The following ATXN7L1 variants were observed in gnomAD, a reference collection of about 807,000 sequenced individuals.
ATXN7L1 encodes ataxin-7-like protein 1.
ATXN7L1 carries 15 observed loss-of-function variants against 70.8 expected under a neutral mutation model. The ratio of observed to expected loss-of-function variants is 0.21; its 90% CI spans 0.14 to 0.33. ATXN7L1 has a LOEUF of 0.33. Among genes scored for constraint, ATXN7L1 ranks in the 10% least tolerant of loss-of-function variants. ATXN7L1 has a pLI of 1.00. For synonymous variants in ATXN7L1, 440 were observed against 445.1 expected, an observed-to-expected ratio of 0.99 and a Z score of 0.14; for missense variants, 975 against 1,097.1, an observed-to-expected ratio of 0.89 and a Z score of 1.57.
At chr7:105,718,940 AG>A (rs1356308251) in intron 3 of ATXN7L1, among the ~76,000 whole-genome samples, 1 of 152,244 alleles carries the variant, frequency 6.6e-6, no homozygotes. Context: ...CTCTAGGCAC[AG>A]GAAGACATCA....
intron 2 of ATXN7L1, among the ~76,000 whole-genome samples, chr7:105,861,323 A>G (rs191355244): frequency 1.5e-4 from 23 of 152,164 alleles, no homozygotes; most frequent in African/African-American, 4.8e-4. Context: ...TAATTTTTGA[A>G]GTGGTGTGCA....
chr7:105,624,168 G>A lies in ATXN7L1; in HGVS notation c.1302C>T (p.Ser434=). The A allele has an allele frequency of 6.5e-7, 1 of 1,532,904 alleles. No homozygotes were observed. 95.0% of individuals were successfully genotyped at this position (1,532,904 alleles called of 1,614,324 possible). A position where few individuals can be genotyped will look rare whatever the true frequency, so the allele number is the denominator to read the frequency against. ...TCTCCCCTTCATCACTGGACAGTCG[G>A]CTGGCGAGGTCACCTCCAACCGGTG... ...PLPPVGGDLA[S]RLSSDEGEMD... The change falls in exon 8 of 12, where the codon AGC becomes AGT. Residue 434 remains serine, a synonymous_variant. Transcript: ENST00000419735.
chr7:105,707,693 G>A (rs1463899555), intron 3 of ATXN7L1, among the ~76,000 whole-genome samples: 1 of 152,218 alleles, frequency 6.6e-6, no homozygotes, highest in African/African-American at 2.4e-5. Flanking sequence ...ATGACCTCCT[G>A]CAGAGAACTT....
At chr7:105,857,112 A>G (rs1028064316) in intron 2 of ATXN7L1, among the ~76,000 whole-genome samples, 4 of 152,094 alleles carry the variant, frequency 2.6e-5, no homozygotes, top group African/African-American at 9.7e-5. Flanking sequence ...TTCCCTGTAC[A>G]ATGCCCTGAA....
At chr7:105,758,519 A>C (rs1291736264) in intron 3 of ATXN7L1, among the ~76,000 whole-genome samples, 1 of 152,218 alleles carries the variant, frequency 6.6e-6, no homozygotes, top group Admixed American at 6.5e-5. Context: ...GAAGGACTCA[A>C]GAGCTTTGGG....
At chr7:105,637,947 G>A (rs1179937163) in intron 7 of ATXN7L1, among the ~76,000 whole-genome samples, 2 of 152,140 alleles carry the variant, frequency 1.3e-5, no homozygotes, top group African/African-American at 2.4e-5. Flanking sequence ...TCCCTACTCC[G>A]CTCCAGGAAT....
chr7:105,714,329 C>T (rs1393254231), intron 3 of ATXN7L1, among the ~76,000 whole-genome samples: 1 of 152,220 alleles, frequency 6.6e-6, no homozygotes, highest in Non-Finnish European at 1.5e-5. Flanking sequence ...GCAGGAAATG[C>T]CCCACCCTCC....
chr7:105,620,388 A>G, intron 8 of ATXN7L1, 67 bp from the exon 9 acceptor site: 1 of 1,428,508 alleles, frequency 7.0e-7, no homozygotes, highest in South Asian at 1.4e-5. Flanking sequence ...ATACAGAGAA[A>G]AATAACATTT....
chr7:105,641,214 CTTTTTTTTTTTT>C (rs561100060), intron 5 of ATXN7L1, among the ~76,000 whole-genome samples: 3 of 21,788 alleles, frequency 1.4e-4, no homozygotes, highest in Non-Finnish European at 1.7e-4. Flanking sequence ...CTCTCTCTCT[CTTTTTTTTTTTT>C]TTTTTTTTTT....
intron 4 of ATXN7L1, among the ~76,000 whole-genome samples, chr7:105,650,212 C>A (rs1023887250): frequency 1.3e-5 from 2 of 152,208 alleles, no homozygotes; most frequent in East Asian, 3.8e-4. Context: ...AACAGAGACA[C>A]AAAGTCCTAC....
intron 3 of ATXN7L1, chr7:105,679,284 G>T: frequency 2.8e-6 from 1 of 356,558 alleles, no homozygotes; most frequent in Non-Finnish European, 3.9e-6. Context: ...GGGTATTCCT[G>T]AACCACACAC....
At chr7:105,678,953 G>A (rs846928) in intron 3 of ATXN7L1, 104,337 of 552,234 alleles carry the variant, frequency 0.19, 10,055 homozygotes, top group East Asian at 0.31. Flanking sequence ...ATGCCTCGTG[G>A]GCTGCCAGCA....
At chr7:105,789,730 G>A (rs953521901) in intron 2 of ATXN7L1, among the ~76,000 whole-genome samples, 3 of 152,148 alleles carry the variant, frequency 2.0e-5, no homozygotes, top group African/African-American at 7.2e-5. Flanking sequence ...CCCAGGTGAG[G>A]ATTTTGACTC....
In ATXN7L1 at chr7:105,613,652, C is replaced by T. The variant is rs548458689; in HGVS notation, c.2472+210G>A. 116 of 1,427,866 alleles carry T rather than the reference C, an allele frequency of 8.1e-5. 1 individual carries two copies. Among genetic ancestry groups the T allele is most frequent in the Admixed American group, 3.9e-4 (14 of 35,790 alleles). The allele number at this position is 1,427,866 out of a possible 1,614,324, so 88.4% of individuals were successfully genotyped here. ...CAGTGAGGTAATAACCGTAAAGTGC[C>T]GAGAACAGTGTCTAGCACATAGTGA... On this transcript the variant is annotated intron_variant, in intron 10 of 11. Transcript: ENST00000419735.
At chr7:105,766,406 G>A (rs1801256594) in intron 3 of ATXN7L1, among the ~76,000 whole-genome samples, 1 of 152,026 alleles carries the variant, frequency 6.6e-6, no homozygotes, top group Non-Finnish European at 1.5e-5. Flanking sequence ...TTTAAGTCAG[G>A]GATGCTTGTT....
At chr7:105,628,528 G>A (rs1237159659) in intron 7 of ATXN7L1, among the ~76,000 whole-genome samples, 7 of 151,874 alleles carry the variant, frequency 4.6e-5, no homozygotes, top group African/African-American at 7.3e-5. Context: ...AGTGGCTCAC[G>A]TTTGTAATCC....
chr7:105,682,473 C>T (rs1177465023), intron 3 of ATXN7L1, among the ~76,000 whole-genome samples: 1 of 152,164 alleles, frequency 6.6e-6, no homozygotes, highest in South Asian at 2.1e-4. Context: ...AAATCCATGT[C>T]CACAAATGTT....
At chr7:105,662,546 T>C (rs1049175938) in intron 4 of ATXN7L1, among the ~76,000 whole-genome samples, 5 of 152,106 alleles carry the variant, frequency 3.3e-5, no homozygotes, top group Non-Finnish European at 7.4e-5. Context: ...TTTGGGCGAG[T>C]GCTTTTTGGT....
At chr7:105,799,692 G>A (rs760427299) in intron 2 of ATXN7L1, among the ~76,000 whole-genome samples, 1 of 152,092 alleles carries the variant, frequency 6.6e-6, no homozygotes, top group Non-Finnish European at 1.5e-5. Flanking sequence ...AAACGATGCT[G>A]CCAGAGCTCA....
Sources: allele counts gnomAD v4.1 joint callset (sites outside exome capture counted in the v4.1 genomes callset), GRCh38; gene constraint gnomAD v4.1.1; transcripts MANE v1.5; gene names NCBI Gene and HGNC (gene_info 2026-07-23, HGNC 2026-07-21).